Variants in FUT8 observed in about 807,000 individuals in gnomAD.
FUT8 encodes the protein fucosyltransferase 8, also known as alpha-(1,6)-fucosyltransferase.
A neutral mutation model predicts 71.3 loss-of-function variants in FUT8; 29 were observed. The observed-to-expected ratio is 0.41, with a 90% CI of 0.30 to 0.55. The LOEUF is 0.55. FUT8 is among the 20% of genes least tolerant of loss of function. The pLI is 0.34. For synonymous variants in FUT8, 254 were observed against 239.3 expected, an observed-to-expected ratio of 1.06 and a Z score of -0.57; for missense variants, 544 against 702.1, an observed-to-expected ratio of 0.77 and a Z score of 2.55.
chr14:65,634,689 T>TG (rs1285391702), intron 6 of FUT8, among the ~76,000 whole-genome samples: 8 of 152,214 alleles, frequency 5.3e-5, no homozygotes, highest in Non-Finnish European at 1.2e-4. Context: ...CATTGGTCTA[T>TG]GTGCCTATTT....
intron 7 of FUT8, among the ~76,000 whole-genome samples, chr14:65,716,965 G>C (rs1430993146): frequency 7.1e-6 from 1 of 139,958 alleles, no homozygotes; most frequent in African/African-American, 2.7e-5. Context: ...CAGACGGGGC[G>C]GCCGGGCAGA....
intron 1 of FUT8, among the ~76,000 whole-genome samples, chr14:65,439,992 G>GTA (rs2065628449): frequency 4.4e-5 from 2 of 45,098 alleles, no homozygotes; most frequent in Admixed American, 2.3e-4. Flanking sequence ...ATATATATAT[G>GTA]TACACACACA....
the FUT8 span, among the ~76,000 whole-genome samples, chr14:65,370,603 GTATAAC>G: frequency 3.3e-5 from 5 of 149,864 alleles, no homozygotes; most frequent in South Asian, 4.2e-4. Flanking sequence ...ATAAGTATAT[GTATAAC>G]TATAACTATA....
intron 2 of FUT8, among the ~76,000 whole-genome samples, chr14:65,487,234 T>G (rs1402811190): frequency 1.3e-5 from 2 of 152,108 alleles, no homozygotes; most frequent in Non-Finnish European, 2.9e-5. Flanking sequence ...GAATTGATCA[T>G]GTACATTAGC....
In FUT8 at chr14:65,742,592, A is replaced by C. The variant is rs534618492; in HGVS notation, c.*182A>C. 7.4e-5 allele frequency: 44 copies of C among 596,938 alleles called. No individual in the cohort carries two copies. The highest frequency in any genetic ancestry group is 1.2e-4 in the Non-Finnish European group (40 of 337,956). The allele number at this position is 596,938 out of a possible 1,614,324, so 37.0% of individuals were successfully genotyped here. On this transcript the variant is annotated 3_prime_UTR_variant, in exon 11 of 11. Transcript: ENST00000673929. The stretch of plus-strand genomic sequence containing the variant: ...GCTTCAATTGGTGGAATTCCTCTTT[A>C]ACAAGGGCTGCAATGCCCTCATACC...
chr14:65,576,138 G>C (rs1046840341), intron 3 of FUT8, among the ~76,000 whole-genome samples: 16 of 152,100 alleles, frequency 1.1e-4, no homozygotes, highest in Non-Finnish European at 2.2e-4. Context: ...TTTAACAGGG[G>C]TTGACAAACT....
intron 1 of FUT8, among the ~76,000 whole-genome samples, chr14:65,415,757 C>G (rs2065211545): frequency 6.6e-6 from 1 of 151,610 alleles, no homozygotes; most frequent in Admixed American, 6.6e-5. Context: ...GAACAATATC[C>G]CCAGGTCACT....
At chr14:65,610,170 A>G (rs746769875) in intron 3 of FUT8, among the ~76,000 whole-genome samples, 6 of 151,858 alleles carry the variant, frequency 4.0e-5, no homozygotes, top group Non-Finnish European at 8.8e-5. Context: ...TTTCATTCCA[A>G]TTTGAATGCC....
intron 3 of FUT8, among the ~76,000 whole-genome samples, chr14:65,584,655 A>G (rs1822553476): frequency 1.3e-5 from 2 of 152,254 alleles, no homozygotes; most frequent in South Asian, 4.1e-4. Context: ...GAGATTGAAG[A>G]CATGTAGATT....
the FUT8 span, among the ~76,000 whole-genome samples, chr14:65,364,217 T>G: frequency 6.6e-6 from 1 of 151,868 alleles, no homozygotes; most frequent in African/African-American, 2.4e-5. Context: ...TTTTTTGTTT[T>G]GTTTTGAGAT....
chr14:65,690,951 C>G (rs1217358002), intron 7 of FUT8, among the ~76,000 whole-genome samples: 2 of 144,872 alleles, frequency 1.4e-5, no homozygotes, highest in East Asian at 1.9e-4. Flanking sequence ...GTCTCAAACT[C>G]CTGACCTCAG....
At chr14:65,680,796 T>C (rs1033806330) in intron 7 of FUT8, among the ~76,000 whole-genome samples, 2 of 152,216 alleles carry the variant, frequency 1.3e-5, no homozygotes, top group African/African-American at 4.8e-5. Context: ...CGAAACCAAA[T>C]ATGACTTTCT....
intron 7 of FUT8, among the ~76,000 whole-genome samples, chr14:65,712,201 T>C (rs1362304754): frequency 6.6e-6 from 1 of 152,200 alleles, no homozygotes; most frequent in Non-Finnish European, 1.5e-5. Flanking sequence ...GTTACTACTA[T>C]GTGGTCGTGA....
rs1566861070 is a variant in FUT8, at chr14:65,627,404, G to A, written c.483-2088G>A. On this transcript the variant is annotated intron_variant, in intron 5 of 10. Transcript: ENST00000673929. The surrounding 1 kb of genome is among the most constrained non-coding windows in gnomAD (Gnocchi z 4.0). ...AACAGGCATGAGAGTTTATTAAAAT[G>A]TTTTAGAGCAGGAATGAAAGGAAGT... Among the ~76,000 whole-genome samples the A allele has an allele frequency of 6.6e-6, 1 of 152,198 alleles. No individual in the cohort carries two copies.
At chr14:65,719,549 AT>A (rs1895297876) in intron 7 of FUT8, among the ~76,000 whole-genome samples, 1 of 152,062 alleles carries the variant, frequency 6.6e-6, no homozygotes, top group Non-Finnish European at 1.5e-5. Context: ...GAAGGTATTT[AT>A]CGTAGTCTTC....
chr14:65,577,469 T>C (rs1450901816), intron 3 of FUT8, among the ~76,000 whole-genome samples: 1 of 152,140 alleles, frequency 6.6e-6, no homozygotes, highest in Non-Finnish European at 1.5e-5. Context: ...ATAATATCTA[T>C]TTTGCAATAA....
At chr14:65,556,726 G>A (rs778857568) in intron 2 of FUT8, among the ~76,000 whole-genome samples, 22 of 152,160 alleles carry the variant, frequency 1.4e-4, no homozygotes, top group Non-Finnish European at 2.4e-4. Context: ...ACAGCATGTG[G>A]CATATTAATT....
At chr14:65,609,734 T>A (rs1888781224) in intron 3 of FUT8, among the ~76,000 whole-genome samples, 1 of 151,920 alleles carries the variant, frequency 6.6e-6, no homozygotes, top group Non-Finnish European at 1.5e-5. Flanking sequence ...ATTCAATCAG[T>A]CATTCAAACA....
At chr14:65,536,261 A>G (rs767987367) in intron 2 of FUT8, among the ~76,000 whole-genome samples, 7 of 152,218 alleles carry the variant, frequency 4.6e-5, no homozygotes, top group Non-Finnish European at 7.3e-5. Flanking sequence ...ATTCAAGGCT[A>G]GTATGGATAT....
Sources: gnomAD v4.1 joint callset for allele counts (sites outside exome capture counted in the v4.1 genomes callset) on GRCh38, gnomAD v4.1.1 for gene constraint, Gnocchi (gnomAD v3.1) non-coding constraint, MANE v1.5 for transcripts, NCBI Gene and HGNC (gene_info 2026-07-23, HGNC 2026-07-21) for gene names.